Variants in MRTFB observed in about 807,000 individuals in gnomAD.
MRTFB encodes myocardin related transcription factor B, also known as myocardin-related transcription factor B.
Under a neutral mutation model 104.2 loss-of-function variants are expected in MRTFB, and 29 were observed. That is an observed-to-expected ratio of 0.28 (90% confidence interval 0.21 to 0.38). The LOEUF (loss-of-function observed/expected upper bound fraction) is 0.38. Ranked by LOEUF, MRTFB falls within the 10% of genes least tolerant of loss-of-function variation. MRTFB has a pLI of 1.00. For synonymous variants in MRTFB, 535 were observed against 519.5 expected, an observed-to-expected ratio of 1.03 and a Z score of -0.41; for missense variants, 1,270 against 1,341.6, an observed-to-expected ratio of 0.95 and a Z score of 0.83.
chr16:14,017,711 ATTTTTTTT>A, the MRTFB span, among the ~76,000 whole-genome samples: 14,022 of 33,582 alleles, frequency 0.42, 3,477 homozygotes, highest in South Asian at 0.61. Flanking sequence ...ATATATATAT[ATTTTTTTT>A]TTTTTTTTTT....
intron 8 of MRTFB, among the ~76,000 whole-genome samples, chr16:14,231,312 TA>T (rs1567195360): frequency 6.9e-6 from 1 of 145,140 alleles, no homozygotes; most frequent in African/African-American, 2.7e-5. Flanking sequence ...AAAAATAAAT[TA>T]AAAAAAGATT....
intron 9 of MRTFB, among the ~76,000 whole-genome samples, chr16:14,237,797 G>C (rs1472171064): frequency 6.6e-6 from 1 of 152,194 alleles, no homozygotes; most frequent in Non-Finnish European, 1.5e-5. Flanking sequence ...CGTTCTCAAT[G>C]TTTAGGCAGT....
intron 3 of MRTFB, chr16:14,201,067 G>C: frequency 6.9e-7 from 1 of 1,456,950 alleles, no homozygotes; most frequent in Non-Finnish European, 9.2e-7. Flanking sequence ...ATGTTGCAAC[G>C]AGGAGTGTTG....
At chr16:14,150,690 T>C (rs1291021172) in intron 3 of MRTFB, 9 of 152,046 alleles carry the variant, frequency 5.9e-5, no homozygotes, top group Non-Finnish European at 1.3e-4. Flanking sequence ...ATAAAGGAAA[T>C]TATGAGGAAC....
At chr16:14,082,303 C>G (rs1804461646) in intron 2 of MRTFB, among the ~76,000 whole-genome samples, 1 of 152,112 alleles carries the variant, frequency 6.6e-6, no homozygotes, top group Admixed American at 6.5e-5. Flanking sequence ...CTGTCCTTTC[C>G]CCATTGTTTA....
At chr16:14,071,043 T>G (rs905308527), upstream of MRTFB, among the ~76,000 whole-genome samples, 2 of 152,120 alleles carry the variant, frequency 1.3e-5, no homozygotes, top group Non-Finnish European at 2.9e-5. Flanking sequence ...TTGCAGAGGC[T>G]CAGGGCCGAG....
At chr16:14,022,887 A>T in the MRTFB span, among the ~76,000 whole-genome samples, 1 of 150,746 alleles carries the variant, frequency 6.6e-6, no homozygotes, top group African/African-American at 2.4e-5. Flanking sequence ...AGTAGAAGTG[A>T]GGTTTCGCCA....
At chr16:14,142,463 T>A (rs1031280981) in intron 3 of MRTFB, 1 of 151,902 alleles carries the variant, frequency 6.6e-6, no homozygotes, top group Non-Finnish European at 1.5e-5. Flanking sequence ...TTAGCCAGAA[T>A]GGTTTTGATC....
chr16:14,046,481 G>A, the MRTFB span, among the ~76,000 whole-genome samples: 83 of 152,170 alleles, frequency 5.5e-4, no homozygotes, highest in South Asian at 7.9e-3. Context: ...TGCAATGCAC[G>A]GTTCTGTTCT....
the MRTFB span, among the ~76,000 whole-genome samples, chr16:14,060,221 G>T: frequency 1.3e-5 from 2 of 151,750 alleles, no homozygotes; most frequent in East Asian, 3.9e-4. Flanking sequence ...TGGCCAGGCT[G>T]GTCTCGAACT....
the MRTFB span, among the ~76,000 whole-genome samples, chr16:14,058,477 T>C: frequency 2.6e-5 from 4 of 151,818 alleles, no homozygotes; most frequent in Admixed American, 6.6e-5. Flanking sequence ...ATCAATCTCA[T>C]TGAATTCTCA....
upstream of MRTFB, chr16:14,071,217 G>A (rs1356716131): frequency 6.5e-6 from 1 of 153,332 alleles, no homozygotes; most frequent in Non-Finnish European, 1.5e-5. Context: ...GACCCTTGAG[G>A]CGGGGTGGGC....
At chr16:14,160,291 T>TG (rs2038983627) in intron 3 of MRTFB, among the ~76,000 whole-genome samples, 2 of 152,202 alleles carry the variant, frequency 1.3e-5, no homozygotes, top group African/African-American at 4.8e-5. Context: ...TTTTGCAGAA[T>TG]GACCCCAATT....
intron 3 of MRTFB, chr16:14,195,663 G>T (rs977270593): frequency 4.8e-6 from 3 of 623,130 alleles, no homozygotes; most frequent in Non-Finnish European, 6.0e-6. Flanking sequence ...CCCACCTTAC[G>T]CATTTGTATT....
intron 3 of MRTFB, chr16:14,186,989 A>G (rs748782832): frequency 6.3e-7 from 1 of 1,597,894 alleles, no homozygotes; most frequent in South Asian, 1.1e-5. Flanking sequence ...AACCATTAAA[A>G]GAAAAGGAAT....
At chr16:14,009,568 T>A in the MRTFB span, 1 of 152,236 alleles carries the variant, frequency 6.6e-6, no homozygotes, top group Non-Finnish European at 1.5e-5. Flanking sequence ...GTGGCAGTAG[T>A]AGACATCCTT....
intron 1 of MRTFB, among the ~76,000 whole-genome samples, chr16:14,073,382 T>G (rs1353417354): frequency 1.3e-5 from 2 of 152,226 alleles, no homozygotes; most frequent in African/African-American, 2.4e-5. Context: ...TTCCAGCTCC[T>G]TGGAGAACCA....
upstream of MRTFB, among the ~76,000 whole-genome samples, chr16:14,070,722 C>A (rs2033631346): frequency 6.6e-6 from 1 of 152,248 alleles, no homozygotes; most frequent in Non-Finnish European, 1.5e-5. Context: ...AGAGGCAGCG[C>A]CTTGAGCCTT....
At chr16:14,241,927 GC>G (rs1051440163) in intron 10 of MRTFB, among the ~76,000 whole-genome samples, 1 of 150,754 alleles carries the variant, frequency 6.6e-6, no homozygotes, top group African/African-American at 2.4e-5. Context: ...CCTTAGGGAG[GC>G]CTCCTCCACT....
Sources: gnomAD v4.1 joint callset for allele counts (sites outside exome capture counted in the v4.1 genomes callset) on GRCh38, gnomAD v4.1.1 for gene constraint, MANE v1.5 for transcripts, NCBI Gene and HGNC (gene_info 2026-07-23, HGNC 2026-07-21) for gene names.